NPAT: variants seen among roughly 807,000 people sequenced by gnomAD.
NPAT encodes nuclear protein, coactivator of histone transcription, also known as protein NPAT.
Under a neutral mutation model 130.7 loss-of-function variants are expected in NPAT, and 52 were observed. That is an observed-to-expected ratio of 0.40 (90% CI 0.32 to 0.50). The LOEUF is 0.50. Ranked by LOEUF, NPAT falls within the 20% of genes least tolerant of loss-of-function variation. NPAT has a pLI of 0.68. For missense variants in NPAT, 1,687 were observed against 1,662.6 expected (o/e 1.01, Z -0.26); for synonymous variants, 580 against 584.8 (o/e 0.99, Z 0.12).
In NPAT at chr11:108,172,658, G is replaced by A. The variant is rs754174165; in HGVS notation, c.2326C>T (p.Pro776Ser). 2.3e-5 allele frequency: 37 copies of A among 1,614,018 alleles called. No homozygotes were observed. Among genetic ancestry groups the A allele is most frequent in the Non-Finnish European group, 2.8e-5 (33 of 1,179,960 alleles). ...GCATTTTTAGTAGGTGATTTAGTAG[G>A]AGAAGACAAGATTATAGTTGGCAGG... ...ENLPTIILSS[P>S]TKSPTKNAEL... The change falls in exon 13 of 18, where the codon CCT becomes TCT. Residue 776 changes from proline to serine, a missense_variant. By Grantham distance (74) the Pro-to-Ser change is moderately conservative. Around this residue, in one of 3 missense-constraint regions of NPAT, gnomAD observed 1,379 missense variants for 1,346.6 expected, o/e 1.02. Coordinates refer to ENST00000278612, the MANE Select transcript of NPAT (RefSeq NM_002519.3).
At chr11:108,221,268 G>C (rs954532635) in intron 1 of NPAT, among the ~76,000 whole-genome samples, 6 of 152,084 alleles carry the variant, frequency 3.9e-5, no homozygotes, top group African/African-American at 1.5e-4. Context: ...TACAATGTTT[G>C]AGCACAGGAT....
intron 10 of NPAT, among the ~76,000 whole-genome samples, chr11:108,180,118 G>C (rs571534332): frequency 1.3e-5 from 2 of 152,282 alleles, no homozygotes; most frequent in East Asian, 3.9e-4. Flanking sequence ...CTTGAGCCCA[G>C]GAGTTCTAGA....
At chr11:108,216,663 T>C (rs2078438297) in intron 1 of NPAT, among the ~76,000 whole-genome samples, 2 of 137,058 alleles carry the variant, frequency 1.5e-5, no homozygotes, top group East Asian at 4.1e-4. Flanking sequence ...CTGGAATCAT[T>C]ACAGATAATT....
At position 108,173,741 on chromosome 11, in the gene NPAT, T is replaced by C. The variant is rs765724087; in HGVS notation, c.1243A>G (p.Asn415Asp). Reference sequence around the variant, plus strand: ...ATGCTGGTACTTATTTGGGAAAAATTTTCCTGGTCTTCTTGTCTAAGCACA... The same window carrying C: ...ATGCTGGTACTTATTTGGGAAAAATCTTCCTGGTCTTCTTGTCTAAGCACA... ...HDVLRQEDQE[N>D]FSQISTSIQK... Residue 415 changes from asparagine (N) to aspartate (D), a missense_variant, in exon 13 of 18, where the codon AAT becomes GAT. Around this residue, in one of 3 missense-constraint regions of NPAT, gnomAD observed 1,379 missense variants for 1,346.6 expected, o/e 1.02. Transcript: ENST00000278612. The C allele has an allele frequency of 2.8e-5, 46 of 1,614,108 alleles. No individual in the cohort carries two copies. Among genetic ancestry groups the C allele is most frequent in the Non-Finnish European group, 3.9e-5 (46 of 1,180,002 alleles).
intron 15 of NPAT, among the ~76,000 whole-genome samples, chr11:108,163,969 T>C (rs578144794): frequency 2.6e-5 from 4 of 152,166 alleles, no homozygotes; most frequent in East Asian, 1.9e-4. Context: ...ACAGGAAAAG[T>C]TGAAACATAT....
Position 108,172,098 on chromosome 11 carries a change from A to G in NPAT, c.2785+101T>C, listed in dbSNP as rs775725320. 3 of 970,346 alleles carry G rather than the reference A, an allele frequency of 3.1e-6. No individual in the cohort carries two copies. In the South Asian group the frequency reaches 3.9e-5, roughly 13 times the overall value. 60.1% of individuals were successfully genotyped at this position (970,346 alleles called of 1,614,324 possible). A position where few individuals can be genotyped will look rare whatever the true frequency, so the allele number is the denominator to read the frequency against. On this transcript the variant is annotated intron_variant, in intron 13 of 17. Coordinates refer to ENST00000278612, the MANE Select transcript of NPAT (RefSeq NM_002519.3). ...AAATTTCAGAATCTTTTCTCATACC[A>G]TCTACTCATTAGTTATTACTTCGCA... is the stretch of plus-strand genomic sequence containing the variant.
intron 10 of NPAT, among the ~76,000 whole-genome samples, chr11:108,184,581 A>T (rs1389008562): frequency 6.6e-6 from 1 of 151,896 alleles, no homozygotes; most frequent in African/African-American, 2.4e-5. Context: ...CCCAGGCTGG[A>T]GAGCAGTGGT....
chr11:108,189,126 T>C lies in NPAT; in HGVS notation c.536A>G (p.Gln179Arg). 1 of 1,614,042 alleles carries C rather than the reference T, an allele frequency of 6.2e-7. No homozygotes were observed. The highest frequency in any genetic ancestry group is 1.1e-5 in the South Asian group (1 of 91,082). Residue 179 changes from glutamine to arginine, a missense_variant, in exon 6 of 18, where the codon CAG (glutamine) becomes CGG (arginine). By Grantham distance (43) the Gln-to-Arg change is conservative. This residue lies in a region of NPAT where 307 missense variants were observed against 298.9 expected (regional missense o/e 1.03). Transcript: ENST00000278612. ...RSYFVVVNHS[Q>R]SQDTVTTGEA... ...CTTACTGGTTACAGTATCTTGTGAC[T>C]GTGAGTGGTTGACCACTACAAAATA...
Position 108,169,646 on chromosome 11 carries a change from A to C in NPAT, c.3010+98T>G, listed in dbSNP as rs540586286. ...AAATGTAGGGTGATCACTTGTTTTA[A>C]AATGGTTTAGGTATTCAGAAAGAAA... On this transcript the variant is annotated intron_variant, in intron 15 of 17. Coordinates refer to ENST00000278612, the MANE Select transcript of NPAT (RefSeq NM_002519.3). The C allele has an allele frequency of 1.8e-5, 16 of 888,620 alleles. No homozygotes were observed. The East Asian group carries it at 3.2e-4, about 18-fold the overall frequency. The allele number at this position is 888,620 out of a possible 1,614,324, so 55.0% of individuals were successfully genotyped here.
At chr11:108,187,996 T>C in intron 7 of NPAT, 102 bp downstream of exon 7, 1 of 814,288 alleles carries the variant, frequency 1.2e-6, no homozygotes, top group Non-Finnish European at 2.1e-6. Flanking sequence ...CAGAACATAA[T>C]CTGGTCCTAT....
intron 2 of NPAT, among the ~76,000 whole-genome samples, chr11:108,195,522 T>TA (rs1352635885): frequency 3.3e-5 from 5 of 152,384 alleles, no homozygotes; most frequent in Non-Finnish European, 5.9e-5. Flanking sequence ...TCAGATCTCT[T>TA]ATCCACTTAA....
At chr11:108,176,435 A>C in intron 11 of NPAT, 61 bp from the exon 12 acceptor site, 1 of 1,203,286 alleles carries the variant, frequency 8.3e-7, no homozygotes, top group South Asian at 1.2e-5. Context: ...ACATCAATGA[A>C]TACAGCTTGT....
intron 6 of NPAT, among the ~76,000 whole-genome samples, chr11:108,188,737 AGAAGTAGAAAGGCATTCCTCATTCCAG>A (rs1178134771): frequency 6.6e-6 from 1 of 152,258 alleles, no homozygotes. Context: ...GTAAAGATAG[AGAAGTAGAAAGGCATTCCTCATTCCAG>A]GAGGACAGAC....
intron 10 of NPAT, among the ~76,000 whole-genome samples, chr11:108,179,890 C>A (rs2078043675): frequency 6.6e-6 from 1 of 152,088 alleles, no homozygotes; most frequent in Admixed American, 6.5e-5. Flanking sequence ...AAAGCTCAAG[C>A]AACAAAAGCA....
rs145092806 is a variant in NPAT, at chr11:108,172,614, T to C, written c.2370A>G (p.Leu790=). 97 of 1,614,208 alleles carry C rather than the reference T, an allele frequency of 6.0e-5. No homozygotes were observed. In the East Asian group the frequency reaches 1.8e-3, roughly 30 times the overall value. ...PTKNAELVKC[L]SSEETVGAVV... ...CAGCACCTACAGTTTCTTCTGAAGA[T>C]AGGCATTTAACTAGTTCTGCATTTT... Residue 790 remains leucine (L), a synonymous_variant, in exon 13 of 18, where the codon CTA becomes CTG. Coordinates refer to ENST00000278612, the MANE Select transcript of NPAT (RefSeq NM_002519.3).
At chr11:108,182,218 GTATGGGGGT>G (rs1382616747) in intron 10 of NPAT, among the ~76,000 whole-genome samples, 13 of 152,152 alleles carry the variant, frequency 8.5e-5, no homozygotes, top group Non-Finnish European at 1.9e-4. Context: ...ATCTTCCTTG[GTATGGGGGT>G]CAGAAAGGAG....
intron 1 of NPAT, among the ~76,000 whole-genome samples, chr11:108,212,240 C>A (rs550731642): frequency 2.0e-5 from 3 of 152,118 alleles, no homozygotes; most frequent in Non-Finnish European, 4.4e-5. Flanking sequence ...TAAAAAGCAT[C>A]CAGGCCGGGT....
intron 15 of NPAT, among the ~76,000 whole-genome samples, chr11:108,166,306 C>T (rs751391633): frequency 3.3e-5 from 5 of 151,998 alleles, no homozygotes; most frequent in Admixed American, 2.0e-4. Flanking sequence ...ACAGAAGAAT[C>T]GCTTGAACCC....
At chr11:108,215,153 A>T (rs2078421288) in intron 1 of NPAT, among the ~76,000 whole-genome samples, 1 of 152,178 alleles carries the variant, frequency 6.6e-6, no homozygotes, top group Admixed American at 6.5e-5. Context: ...CATTCTTCAC[A>T]GTTTAGTATA....
Sources: allele counts gnomAD v4.1 joint callset (sites outside exome capture counted in the v4.1 genomes callset), GRCh38; gene constraint gnomAD v4.1.1; regional missense constraint gnomAD v4.1.1; transcripts MANE v1.5; gene names NCBI Gene and HGNC (gene_info 2026-07-23, HGNC 2026-07-21).